Variants in CDK14 observed in about 807,000 individuals in gnomAD.
CDK14 encodes the protein cyclin dependent kinase 14.
Under a neutral mutation model 60.7 loss-of-function variants are expected in CDK14, and 34 were observed. The ratio of observed to expected loss-of-function variants is 0.56; its 90% CI spans 0.43 to 0.75. CDK14 has a LOEUF of 0.75. Ranked by LOEUF, CDK14 falls within the 30% of genes least tolerant of loss-of-function variation. The pLI is 0.00. For synonymous variants in CDK14, 197 were observed against 203.7 expected (o/e 0.97, Z 0.28); for missense variants, 482 against 564.1 (o/e 0.85, Z 1.47).
At chr7:90,756,000 C>T (rs1804041247) in intron 4 of CDK14, among the ~76,000 whole-genome samples, 1 of 152,152 alleles carries the variant, frequency 6.6e-6, no homozygotes, top group South Asian at 2.1e-4. Context: ...AGTCAGGAAT[C>T]TTAGGGCTTA....
At chr7:91,139,859 T>C (rs1800401838) in intron 14 of CDK14, among the ~76,000 whole-genome samples, 1 of 151,974 alleles carries the variant, frequency 6.6e-6, no homozygotes, top group Non-Finnish European at 1.5e-5. Context: ...TTTTTCTCTT[T>C]ATTTTCCCTC....
At chr7:90,886,354 A>C (rs992280969) in intron 6 of CDK14, among the ~76,000 whole-genome samples, 1 of 152,224 alleles carries the variant, frequency 6.6e-6, no homozygotes, top group Admixed American at 6.5e-5. Flanking sequence ...TTTGAAGTAA[A>C]TATTGAGAGA....
chr7:91,134,203 G>T (rs1359388776), intron 14 of CDK14, among the ~76,000 whole-genome samples: 5 of 152,094 alleles, frequency 3.3e-5, no homozygotes, highest in Admixed American at 3.3e-4. Context: ...TTGCTTTGTG[G>T]GTTGAGAGGA....
At chr7:91,091,762 G>GAAGT (rs760542302) in intron 12 of CDK14, among the ~76,000 whole-genome samples, 12 of 44,860 alleles carry the variant, frequency 2.7e-4, no homozygotes, top group Non-Finnish European at 4.4e-4. Context: ...AGGAAGGAAG[G>GAAGT]AAGTAAGTTA....
intron 11 of CDK14, among the ~76,000 whole-genome samples, chr7:91,075,122 T>C (rs907874787): frequency 6.6e-6 from 1 of 152,170 alleles, no homozygotes; most frequent in African/African-American, 2.4e-5. Context: ...AAGGAGGGAC[T>C]CCTTCCTAAC....
At chr7:90,649,238 TTCTTTCTTTCTTTC>T (rs1800535835) in intron 2 of CDK14, among the ~76,000 whole-genome samples, 2 of 29,156 alleles carry the variant, frequency 6.9e-5, no homozygotes, top group Admixed American at 3.2e-4. Flanking sequence ...AGCCTATAGT[TTCTTTCTTTCTTTC>T]TTTCTTTCTT....
In CDK14 at chr7:90,864,448, AT is replaced by A. The variant is rs780770030; in HGVS notation, c.639+1180del. ...GAACTTTTGATTCATACTTTTAAGT[AT>A]GTCTAGTTTACATATTTCAGTTAAA... On this transcript the variant is annotated intron_variant, in intron 6 of 14. Coordinates refer to ENST00000380050, the MANE Select transcript of CDK14 (RefSeq NM_001287135.2). Among the ~76,000 whole-genome samples, 161 of 152,192 alleles carry A rather than the reference AT, an allele frequency of 1.1e-3. 1 individual carries two copies. Among genetic ancestry groups the A allele is most frequent in the Middle Eastern group, 0.01 (3 of 294 alleles).
intron 2 of CDK14, among the ~76,000 whole-genome samples, chr7:90,688,545 C>T (rs17623250): frequency 0.081 from 12,350 of 151,914 alleles, 599 homozygotes; most frequent in Middle Eastern, 0.12. Flanking sequence ...TAAGGATGCA[C>T]GTTAAAGCAC....
chr7:90,863,608 T>C (rs1462232684), intron 6 of CDK14, among the ~76,000 whole-genome samples: 1 of 151,932 alleles, frequency 6.6e-6, no homozygotes, highest in Non-Finnish European at 1.5e-5. Context: ...TCATAGGCAA[T>C]AAGAATGGTT....
intron 2 of CDK14, among the ~76,000 whole-genome samples, chr7:90,655,739 A>G (rs547383081): frequency 1.3e-5 from 2 of 152,326 alleles, no homozygotes; most frequent in South Asian, 4.1e-4. Context: ...CTTCCTTTTG[A>G]GTAAGCAAAG....
At chr7:90,632,409 G>T (rs2116406147) in intron 2 of CDK14, 1 of 257,302 alleles carries the variant, frequency 3.9e-6, no homozygotes, top group South Asian at 5.2e-5. Flanking sequence ...TTGGAGTAAA[G>T]TGATTGGCAG....
In CDK14 at chr7:90,848,589, T is replaced by C. The variant is rs572123200; in HGVS notation, c.545-14586T>C. On this transcript the variant is annotated intron_variant, in intron 5 of 14. Transcript: ENST00000380050. The stretch of plus-strand genomic sequence containing the variant: ...ATCAAAAGTTTAATACCTACTTGAC[T>C]TTTTTTCTAAGCCTCTGAGATTGAA... Among the ~76,000 whole-genome samples the C allele has an allele frequency of 3.3e-3, 503 of 152,274 alleles. 4 individuals are homozygous for C. In the Middle Eastern group the frequency reaches 0.037, roughly 11 times the overall value.
At chr7:90,761,331 GTT>G (rs5885744) in intron 4 of CDK14, among the ~76,000 whole-genome samples, 1 of 144,838 alleles carries the variant, frequency 6.9e-6, no homozygotes. Flanking sequence ...ACTCTTTGGG[GTT>G]TTTTTTTTTT....
chr7:90,761,291 C>T (rs62469750), intron 4 of CDK14, among the ~76,000 whole-genome samples: 13,036 of 150,452 alleles, frequency 0.087, 643 homozygotes, highest in South Asian at 0.11. Context: ...GGTCATATGT[C>T]AGCTATGCCC....
intron 2 of CDK14, among the ~76,000 whole-genome samples, chr7:90,627,445 T>C (rs1799901025): frequency 6.6e-6 from 1 of 152,156 alleles, no homozygotes; most frequent in Admixed American, 6.5e-5. Context: ...ACTCCTGGGC[T>C]CAAGCAATCC....
At chr7:90,788,003 A>G (rs1361149995) in intron 4 of CDK14, among the ~76,000 whole-genome samples, 1 of 152,238 alleles carries the variant, frequency 6.6e-6, no homozygotes, top group African/African-American at 2.4e-5. Context: ...AGTGTGTTAC[A>G]AGGCAAACAT....
rs1490122666 is a variant in CDK14, at chr7:91,124,811, A to G, written c.*28+6603A>G. The stretch of plus-strand genomic sequence containing the variant: ...CTGTGATGTGGCTAGTAACCACAAT[A>G]TTTATTACAAGGAAGTTAGCAGTCA... On this transcript the variant is annotated intron_variant, in intron 14 of 14. Transcript: ENST00000380050. Among the ~76,000 whole-genome samples the G allele has an allele frequency of 2.0e-5, 3 of 152,192 alleles. No homozygotes were observed. The East Asian group carries it at 5.8e-4, about 29-fold the overall frequency.
intron 4 of CDK14, among the ~76,000 whole-genome samples, 170 bp downstream of exon 4, chr7:90,747,945 G>T (rs1262355706): frequency 1.5e-5 from 2 of 135,742 alleles, no homozygotes; most frequent in Non-Finnish European, 3.1e-5. Context: ...ATTGGAATTG[G>T]TGTACCCTGC....
rs747322436 is a variant in CDK14 at position 91,109,918 on chromosome 7, A to G, written c.1155-2624A>G. On this transcript the variant is annotated intron_variant, in intron 12 of 14. Transcript: ENST00000380050. ...TTTACCAAGAAGAGATAATAGTGCT[A>G]GACTGCTATGCATTTAATTACCCAG... Among the ~76,000 whole-genome samples, 8 of 152,140 alleles carry G rather than the reference A, an allele frequency of 5.3e-5. 1 individual carries two copies. Among genetic ancestry groups the G allele is most frequent in the Admixed American group, 1.3e-4 (2 of 15,278 alleles).
Sources: allele counts gnomAD v4.1 joint callset (sites outside exome capture counted in the v4.1 genomes callset), GRCh38; gene constraint gnomAD v4.1.1; transcripts MANE v1.5; gene names NCBI Gene and HGNC (gene_info 2026-07-23, HGNC 2026-07-21).